The following CLVS2 variants were observed in gnomAD, a reference collection of about 807,000 sequenced individuals.
The protein encoded by CLVS2 is clavesin-2.
In CLVS2, 19 loss-of-function variants were observed where a neutral mutation model predicts 29.0. The ratio of observed to expected loss-of-function variants is 0.66; its 90% CI spans 0.46 to 0.96. CLVS2 has a LOEUF of 0.96. Among genes scored for constraint, CLVS2 ranks in the 40% least tolerant of loss-of-function variants. The pLI is 0.00. For missense variants in CLVS2, 294 were observed against 404.1 expected, an observed-to-expected ratio of 0.73 and a Z score of 2.34; for synonymous variants, 161 against 151.3, an observed-to-expected ratio of 1.06 and a Z score of -0.47.
At chr6:123,037,354 C>G (rs984389005) in intron 3 of CLVS2, among the ~76,000 whole-genome samples, 1 of 152,092 alleles carries the variant, frequency 6.6e-6, no homozygotes, top group Non-Finnish European at 1.5e-5. Context: ...CCTAGTTTTT[C>G]TTTTATAGTT....
intron 2 of CLVS2, among the ~76,000 whole-genome samples, chr6:123,007,486 A>G (rs1005216244): frequency 1.3e-5 from 2 of 152,204 alleles, no homozygotes; most frequent in African/African-American, 4.8e-5. Flanking sequence ...TCATGAATAT[A>G]TATCCTACTG....
intron 2 of CLVS2, among the ~76,000 whole-genome samples, chr6:123,004,646 C>T (rs1774637047): frequency 6.6e-6 from 1 of 152,210 alleles, no homozygotes; most frequent in South Asian, 2.1e-4. Context: ...GGCACGGTGG[C>T]TCACGCCTGT....
At chr6:123,022,673 T>C (rs1259982256) in intron 3 of CLVS2, among the ~76,000 whole-genome samples, 1 of 152,030 alleles carries the variant, frequency 6.6e-6, no homozygotes, top group Non-Finnish European at 1.5e-5. Context: ...GTACTTATAA[T>C]TCTTGGCAAA....
At position 123,069,228 on chromosome 6, in the gene CLVS2, G is replaced by T. The variant is rs1472848773; in HGVS notation, c.*5467G>T. ...ATGATCAGTAAATAAAATAACTAGG[G>T]TTTTCACATTTGCAATAGAATGACT... On this transcript the variant is annotated 3_prime_UTR_variant, in exon 6 of 6. Transcript: ENST00000275162. 1 of 151,506 alleles carries T rather than the reference G, an allele frequency of 6.6e-6. No homozygotes were observed. The highest frequency in any genetic ancestry group is 1.5e-5 in the Non-Finnish European group (1 of 67,728). The allele number at this position is 151,506 out of a possible 1,614,324, so 9.4% of individuals were successfully genotyped here.
chr6:123,053,962 G>C (rs1250717077), intron 4 of CLVS2, among the ~76,000 whole-genome samples: 1 of 152,166 alleles, frequency 6.6e-6, no homozygotes, highest in Non-Finnish European at 1.5e-5. Context: ...ACAGATGCTG[G>C]TGGGTGGGTT....
chr6:123,006,940 A>C (rs1774677815), intron 2 of CLVS2, among the ~76,000 whole-genome samples: 1 of 152,218 alleles, frequency 6.6e-6, no homozygotes, highest in African/African-American at 2.4e-5. Flanking sequence ...AAGATGAAAG[A>C]TAATAGACTG....
intron 2 of CLVS2, among the ~76,000 whole-genome samples, chr6:123,005,981 C>T (rs1045330534): frequency 4.6e-5 from 7 of 152,102 alleles, no homozygotes; most frequent in African/African-American, 1.4e-4. Flanking sequence ...CAGTGTGCAG[C>T]GAACAGTATT....
chr6:123,024,040 G>C (rs1320468912), intron 3 of CLVS2, among the ~76,000 whole-genome samples: 2 of 152,090 alleles, frequency 1.3e-5, no homozygotes, highest in Non-Finnish European at 2.9e-5. Context: ...GAACCCTTCA[G>C]GCTGAAATAT....
chr6:123,072,724 G>A lies in CLVS2; in HGVS notation c.*8963G>A, dbSNP rs1772968284. On this transcript the variant is annotated 3_prime_UTR_variant, in exon 6 of 6. Coordinates refer to ENST00000275162, the MANE Select transcript of CLVS2 (RefSeq NM_001010852.4). ...AATTTTTTATGATTGAATTCTAAGG[G>A]TATGTTCCTTGGTAAATTGTGTTAA... is the stretch of plus-strand genomic sequence containing the variant. 1 of 151,986 alleles carries A rather than the reference G, an allele frequency of 6.6e-6. No homozygotes were observed. The highest frequency in any genetic ancestry group is 6.6e-5 in the Admixed American group (1 of 15,240). 9.4% of individuals were successfully genotyped at this position (151,986 alleles called of 1,614,324 possible). A position where few individuals can be genotyped will look rare whatever the true frequency, so the allele number is the denominator to read the frequency against.
At chr6:123,010,887 G>T (rs138606621) in intron 2 of CLVS2, 98 bp from the exon 3 acceptor site, 3 of 719,644 alleles carry the variant, frequency 4.2e-6, no homozygotes, top group East Asian at 5.9e-5. Context: ...GATTCTGAAG[G>T]TATTTTAAAG....
Position 123,072,616 on chromosome 6 carries a change from A to C in CLVS2, c.*8855A>C, listed in dbSNP as rs1384111954. On this transcript the variant is annotated 3_prime_UTR_variant, in exon 6 of 6. Coordinates refer to ENST00000275162, the MANE Select transcript of CLVS2 (RefSeq NM_001010852.4). ...ATATGAATGTGTTTAGCGTCACTTC[A>C]GATATAGAGTTCAAGCTCAAGTATA... 1 of 152,074 alleles carries C rather than the reference A, an allele frequency of 6.6e-6. No homozygotes were observed. The highest frequency in any genetic ancestry group is 1.5e-5 in the Non-Finnish European group (1 of 67,980). The allele number at this position is 152,074 out of a possible 1,614,324, so 9.4% of individuals were successfully genotyped here. A position where few individuals can be genotyped will look rare whatever the true frequency, so the allele number is the denominator to read the frequency against.
At chr6:123,040,329 G>A (rs1311758154) in intron 3 of CLVS2, among the ~76,000 whole-genome samples, 3 of 152,096 alleles carry the variant, frequency 2.0e-5, no homozygotes, top group Admixed American at 6.6e-5. Context: ...ACTGAAAAGC[G>A]GGGATACCTT....
chr6:123,041,324 T>C (rs1189889489), intron 3 of CLVS2, among the ~76,000 whole-genome samples: 1 of 152,068 alleles, frequency 6.6e-6, no homozygotes, highest in Non-Finnish European at 1.5e-5. Flanking sequence ...AAAATGTTAG[T>C]GTGAGACCTG....
intron 3 of CLVS2, among the ~76,000 whole-genome samples, chr6:123,023,087 T>A (rs1774947566): frequency 6.6e-6 from 1 of 152,128 alleles, no homozygotes; most frequent in Non-Finnish European, 1.5e-5. Context: ...AACTAGGAAG[T>A]ACCTTAACTC....
chr6:123,053,000 TAAA>T (rs1157488724), intron 4 of CLVS2, among the ~76,000 whole-genome samples: 1 of 149,572 alleles, frequency 6.7e-6, no homozygotes, highest in African/African-American at 2.5e-5. Context: ...AAAATATAGT[TAAA>T]GAAGAGAAAA....
intron 3 of CLVS2, among the ~76,000 whole-genome samples, chr6:123,021,565 T>A (rs1774921516): frequency 6.6e-6 from 1 of 152,118 alleles, no homozygotes; most frequent in African/African-American, 2.4e-5. Context: ...ATGTTTTATT[T>A]TTATTTTGAG....
chr6:123,051,168 T>C (rs1211467463), intron 4 of CLVS2, among the ~76,000 whole-genome samples: 1 of 152,190 alleles, frequency 6.6e-6, no homozygotes, highest in Admixed American at 6.5e-5. Flanking sequence ...GTCTATGTTC[T>C]GAAAAGCTAG....
intron 3 of CLVS2, among the ~76,000 whole-genome samples, chr6:123,018,389 G>A (rs965935370): frequency 1.3e-5 from 2 of 151,782 alleles, no homozygotes; most frequent in Non-Finnish European, 2.9e-5. Context: ...CAATGGCATC[G>A]GTTTTTTCTG....
chr6:122,997,607 G>T lies in CLVS2; in HGVS notation c.-171G>T. ...GCCCCCCCAGCTTTGCTGGGGGAAA[G>T]CAGGAGCAACAGGGCACTTGATTGG... On this transcript the variant is annotated 5_prime_UTR_variant, in exon 2 of 6. Transcript: ENST00000275162. 3 of 606,434 alleles carry T rather than the reference G, an allele frequency of 4.9e-6. No homozygotes were observed. The highest frequency in any genetic ancestry group is 4.8e-4 in the Middle Eastern group (1 of 2,064). The allele number at this position is 606,434 out of a possible 1,614,324, so 37.6% of individuals were successfully genotyped here. A position where few individuals can be genotyped will look rare whatever the true frequency, so the allele number is the denominator to read the frequency against.
Sources: allele counts gnomAD v4.1 joint callset (sites outside exome capture counted in the v4.1 genomes callset), GRCh38; gene constraint gnomAD v4.1.1; transcripts MANE v1.5; gene names NCBI Gene and HGNC (gene_info 2026-07-23, HGNC 2026-07-21).